The following CAMK4 variants were observed in gnomAD, a reference collection of about 807,000 sequenced individuals.
CAMK4 encodes the protein calcium/calmodulin dependent protein kinase IV, also known as calcium/calmodulin-dependent protein kinase type IV.
A neutral mutation model predicts 44.9 loss-of-function variants in CAMK4; 22 were observed. That is an observed-to-expected ratio of 0.49 (90% confidence interval 0.35 to 0.70). The LOEUF (loss-of-function observed/expected upper bound fraction) is 0.70. CAMK4 is among the 30% of genes least tolerant of loss of function. The pLI is 0.01. For missense variants in CAMK4, 498 were observed against 586.8 expected (o/e 0.85, Z 1.56); for synonymous variants, 218 against 215.4 (o/e 1.01, Z -0.11).
intron 2 of CAMK4, among the ~76,000 whole-genome samples, chr5:111,367,520 C>T (rs1750838650): frequency 6.6e-6 from 1 of 152,024 alleles, no homozygotes; most frequent in Non-Finnish European, 1.5e-5. Context: ...TGATGGGCCA[C>T]CTTATATTTT....
At chr5:111,333,034 T>G (rs1749238514) in intron 1 of CAMK4, among the ~76,000 whole-genome samples, 1 of 151,538 alleles carries the variant, frequency 6.6e-6, no homozygotes, top group Non-Finnish European at 1.5e-5. Context: ...AAATGCAAAT[T>G]GAGGACTGAG....
intron 7 of CAMK4, among the ~76,000 whole-genome samples, chr5:111,458,432 G>C (rs1443723079): frequency 6.6e-6 from 1 of 152,188 alleles, no homozygotes. Flanking sequence ...TGGAACTTTA[G>C]TTGTGTAAAA....
intron 1 of CAMK4, among the ~76,000 whole-genome samples, chr5:111,336,142 CTT>C (rs34273478): frequency 6.6e-6 from 1 of 151,146 alleles, no homozygotes; most frequent in African/African-American, 2.4e-5. Flanking sequence ...ATTCTTTGGT[CTT>C]TTTGCTGAAG....
At chr5:111,322,766 T>C (rs1238042666) in intron 1 of CAMK4, among the ~76,000 whole-genome samples, 8 of 151,888 alleles carry the variant, frequency 5.3e-5, no homozygotes, top group African/African-American at 1.9e-4. Context: ...TGAAGCAAAA[T>C]ATGGGCATAA....
chr5:111,377,020 T>G, intron 4 of CAMK4, 78 bp downstream of exon 4: 1 of 855,666 alleles, frequency 1.2e-6, no homozygotes, highest in Non-Finnish European at 1.9e-6. Context: ...ACATTTCTCC[T>G]GAAACTTTTT....
At chr5:111,395,219 AAAAAAAAAG>A (rs1403315087) in intron 5 of CAMK4, among the ~76,000 whole-genome samples, 12 of 103,868 alleles carry the variant, frequency 1.2e-4, no homozygotes, top group Non-Finnish European at 2.1e-4. Flanking sequence ...CTCAAAAAAA[AAAAAAAAAG>A]AAAAAAAAAA....
chr5:111,429,777 C>CAAAAAAAAAAAAAAAAAAAAA (rs70973607), intron 5 of CAMK4, among the ~76,000 whole-genome samples: 2 of 26,352 alleles, frequency 7.6e-5, no homozygotes, highest in Non-Finnish European at 1.2e-4. Flanking sequence ...GACCTCATCT[C>CAAAAAAAAAAAAAAAAAAAAA]AAAAAAAAAA....
intron 1 of CAMK4, among the ~76,000 whole-genome samples, chr5:111,232,226 A>G (rs2112498111): frequency 6.6e-6 from 1 of 152,294 alleles, no homozygotes; most frequent in Middle Eastern, 3.4e-3. Flanking sequence ...GGGTACTACT[A>G]ATAAGGCACC....
chr5:111,369,803 G>T (rs1027040155), intron 2 of CAMK4, among the ~76,000 whole-genome samples: 8 of 152,086 alleles, frequency 5.3e-5, no homozygotes, highest in African/African-American at 9.7e-5. Context: ...TAATCTCTAG[G>T]TTATTTCTGA....
chr5:111,228,509 G>GGTGTGT (rs373248608), intron 1 of CAMK4, among the ~76,000 whole-genome samples: 13,787 of 145,230 alleles, frequency 0.095, 699 homozygotes, highest in African/African-American at 0.13. Flanking sequence ...CATAGTAAGG[G>GGTGTGT]GTGTGTGTGT....
intron 8 of CAMK4, among the ~76,000 whole-genome samples, chr5:111,477,084 G>A (rs1755271567): frequency 1.3e-5 from 2 of 152,196 alleles, no homozygotes; most frequent in Non-Finnish European, 2.9e-5. Context: ...GGGCAGGCAA[G>A]GTCAGACTCT....
chr5:111,391,575 A>G (rs1480962798), intron 4 of CAMK4, among the ~76,000 whole-genome samples: 1 of 152,140 alleles, frequency 6.6e-6, no homozygotes, highest in Non-Finnish European at 1.5e-5. Context: ...TAAAATTAAG[A>G]AAACTGTAGG....
At chr5:111,366,249 C>T (rs72780370) in intron 2 of CAMK4, among the ~76,000 whole-genome samples, 1 of 152,028 alleles carries the variant, frequency 6.6e-6, no homozygotes, top group Non-Finnish European at 1.5e-5. Context: ...AGAGACAAAA[C>T]AAGATTTATA....
chr5:111,226,258 A>G (rs1164725637), intron 1 of CAMK4, among the ~76,000 whole-genome samples: 1 of 152,230 alleles, frequency 6.6e-6, no homozygotes, highest in African/African-American at 2.4e-5. Context: ...ATTCACTTTA[A>G]TTTGAAAAAT....
At chr5:111,242,317 GTTA>G (rs1300134512) in intron 1 of CAMK4, among the ~76,000 whole-genome samples, 1 of 152,006 alleles carries the variant, frequency 6.6e-6, no homozygotes, top group Admixed American at 6.5e-5. Context: ...ATCTCATAAG[GTTA>G]TTATGAAGAT....
chr5:111,314,842 A>G (rs1748353905), intron 1 of CAMK4, among the ~76,000 whole-genome samples: 1 of 152,122 alleles, frequency 6.6e-6, no homozygotes, highest in African/African-American at 2.4e-5. Flanking sequence ...AATAATCCAG[A>G]AACAACTACA....
chr5:111,464,279 G>A (rs1224882456), intron 7 of CAMK4, among the ~76,000 whole-genome samples: 2 of 151,650 alleles, frequency 1.3e-5, no homozygotes, highest in Admixed American at 1.3e-4. Flanking sequence ...ACCCAATTCA[G>A]TAAAGACGAA....
chr5:111,316,011 A>G (rs1158662007), intron 1 of CAMK4, among the ~76,000 whole-genome samples: 1 of 152,172 alleles, frequency 6.6e-6, no homozygotes, highest in East Asian at 1.9e-4. Context: ...GAAGCAAAAC[A>G]GACCACCACA....
intron 5 of CAMK4, among the ~76,000 whole-genome samples, chr5:111,407,252 G>A (rs1302218965): frequency 2.0e-5 from 3 of 151,804 alleles, no homozygotes; most frequent in Non-Finnish European, 4.4e-5. Flanking sequence ...TCGAGAGGCT[G>A]AGGCAAGAGA....
Sources: allele counts gnomAD v4.1 joint callset (sites outside exome capture counted in the v4.1 genomes callset), GRCh38; gene constraint gnomAD v4.1.1; transcripts MANE v1.5; gene names NCBI Gene and HGNC (gene_info 2026-07-23, HGNC 2026-07-21).